Variants in TCERG1L observed in about 807,000 individuals in gnomAD.
The protein encoded by TCERG1L is transcription elongation regulator 1-like protein.
Under a neutral mutation model 56.3 loss-of-function variants are expected in TCERG1L, and 37 were observed. The observed-to-expected ratio is 0.66, with a 90% CI of 0.51 to 0.87. The LOEUF (loss-of-function observed/expected upper bound fraction) is 0.87. TCERG1L is among the 40% of genes least tolerant of loss of function. TCERG1L has a pLI of 0.00. For synonymous variants in TCERG1L, 324 were observed against 326.3 expected, an observed-to-expected ratio of 0.99 and a Z score of 0.08; for missense variants, 799 against 774.2, an observed-to-expected ratio of 1.03 and a Z score of -0.38.
At chr10:131,176,010 T>C (rs1191984538) in intron 4 of TCERG1L, among the ~76,000 whole-genome samples, 4 of 152,224 alleles carry the variant, frequency 2.6e-5, no homozygotes, top group Non-Finnish European at 4.4e-5. Flanking sequence ...AACGCCCACC[T>C]TTCAAGGCAG....
At chr10:131,214,038 GCA>G (rs895606926) in intron 4 of TCERG1L, among the ~76,000 whole-genome samples, 1 of 84,432 alleles carries the variant, frequency 1.2e-5, no homozygotes, top group Non-Finnish European at 2.7e-5. Context: ...TGTTACATAC[GCA>G]CACACACACG....
chr10:131,293,505 T>C (rs1178577638), intron 3 of TCERG1L, among the ~76,000 whole-genome samples: 1 of 151,856 alleles, frequency 6.6e-6, no homozygotes, highest in African/African-American at 2.4e-5. Context: ...ATGCCAGCCC[T>C]GAGATAACCC....
rs1369350967 is a variant in TCERG1L, at chr10:131,102,708, G to C, written c.1485+1557C>G. ...CATTTCTGAACTCAAAGGGCAAAGA[G>C]AGGGCAAGACGTGACCGCACACATG... On this transcript the variant is annotated intron_variant, in intron 10 of 11. Transcript: ENST00000368642. Among the ~76,000 whole-genome samples the C allele has an allele frequency of 2.6e-5, 4 of 152,152 alleles. No individual in the cohort carries two copies. In the South Asian group the frequency reaches 8.3e-4, roughly 32 times the overall value.
intron 3 of TCERG1L, among the ~76,000 whole-genome samples, chr10:131,277,430 C>T (rs569396447): frequency 5.9e-5 from 9 of 152,208 alleles, no homozygotes; most frequent in Non-Finnish European, 1.3e-4. Flanking sequence ...CGCAGGCCTG[C>T]GCCGGGGAGA....
Position 131,146,677 on chromosome 10 carries a change from A to G in TCERG1L, c.1035-17T>C. 2 of 1,599,956 alleles carry G rather than the reference A, an allele frequency of 1.3e-6. No homozygotes were observed. Among genetic ancestry groups the G allele is most frequent in the Non-Finnish European group, 1.7e-6 (2 of 1,171,702 alleles). ...ACCACACACCTGTTTGAGTGGAAAA[A>G]CTCATCTCAGTCGCTCTCGGAGACA... On this transcript the variant is annotated splice_polypyrimidine_tract_variant and intron_variant, in intron 6 of 11. Coordinates refer to ENST00000368642, the MANE Select transcript of TCERG1L (RefSeq NM_174937.4).
chr10:131,167,850 C>T lies in TCERG1L; in HGVS notation c.857-965G>A, dbSNP rs545247883. ...TCTCCAAAAATGTCTATCTAACTCT[C>T]AAAATTTTGCAAGTAGATTCAGGGA... On this transcript the variant is annotated intron_variant, in intron 4 of 11. Coordinates refer to ENST00000368642, the MANE Select transcript of TCERG1L (RefSeq NM_174937.4). Among the ~76,000 whole-genome samples, 120 of 152,304 alleles carry T rather than the reference C, an allele frequency of 7.9e-4. 1 individual carries two copies. Among genetic ancestry groups the T allele is most frequent in the Non-Finnish European group, 3.8e-4 (26 of 68,024 alleles).
intron 3 of TCERG1L, among the ~76,000 whole-genome samples, chr10:131,286,552 A>C (rs1168652079): frequency 4.6e-5 from 7 of 152,220 alleles, no homozygotes; most frequent in Non-Finnish European, 8.8e-5. Flanking sequence ...ATATCTAACA[A>C]ATATGAATTA....
In TCERG1L at chr10:131,311,601, C is replaced by T. The variant is rs1035621140; in HGVS notation, c.35G>A (p.Arg12Gln). ...QAGARFQRRR[R>Q]QLQQQQPRRR... is the part of the protein sequence containing the mutation. ...CCGGGGCTGCTGCTGCTGCAGCTGC[C>T]GCCGCCGCCGCTGGAACCTGGCGCC... Residue 12 changes from arginine to glutamine, a missense_variant, in exon 1 of 12, where the codon CGG becomes CAG. Coordinates refer to ENST00000368642, the MANE Select transcript of TCERG1L (RefSeq NM_174937.4). This position sits in a 1 kb window ranked among gnomAD's most constrained non-coding sequence, Gnocchi z 4.0. The T allele has an allele frequency of 4.4e-6, 5 of 1,137,546 alleles. No homozygotes were observed. In the South Asian group the frequency reaches 1.7e-4, roughly 38 times the overall value. 70.5% of individuals were successfully genotyped at this position (1,137,546 alleles called of 1,614,324 possible).
intron 4 of TCERG1L, among the ~76,000 whole-genome samples, chr10:131,184,230 C>T (rs529823477): frequency 1.7e-4 from 26 of 152,326 alleles, no homozygotes; most frequent in Non-Finnish European, 2.8e-4. Flanking sequence ...TCTATTCTAG[C>T]GTATCACATT....
At position 131,269,941 on chromosome 10, in the gene TCERG1L, G is replaced by A. The variant is rs969915219; in HGVS notation, c.671-9497C>T. On this transcript the variant is annotated intron_variant, in intron 3 of 11. Coordinates refer to ENST00000368642, the MANE Select transcript of TCERG1L (RefSeq NM_174937.4). ...CCTCGCACCAAACCCGCAACCCACA[G>A]AGAGCCCACGGAGCACGGCAACCCC... Among the ~76,000 whole-genome samples the A allele has an allele frequency of 2.0e-5, 3 of 152,204 alleles. No individual in the cohort carries two copies. In the East Asian group the frequency reaches 5.8e-4, roughly 29 times the overall value.
At chr10:131,225,319 T>C (rs556234827) in intron 4 of TCERG1L, among the ~76,000 whole-genome samples, 1 of 152,276 alleles carries the variant, frequency 6.6e-6, no homozygotes, top group South Asian at 2.1e-4. Context: ...CCACACAGGC[T>C]GGAAAAGCAT....
At chr10:131,122,981 G>C (rs12415526) in intron 8 of TCERG1L, among the ~76,000 whole-genome samples, 40,534 of 152,150 alleles carry the variant, frequency 0.27, 5,828 homozygotes, top group East Asian at 0.5. Context: ...CATTTCCAAG[G>C]GGTCCTCCCA....
intron 3 of TCERG1L, among the ~76,000 whole-genome samples, chr10:131,303,288 GTTAT>G (rs1424827317): frequency 6.6e-6 from 1 of 152,070 alleles, no homozygotes; most frequent in Non-Finnish European, 1.5e-5. Flanking sequence ...TCCAGCATCT[GTTAT>G]TTCCTGACTT....
At chr10:131,235,149 G>A (rs12247133) in intron 4 of TCERG1L, among the ~76,000 whole-genome samples, 2,168 of 152,280 alleles carry the variant, frequency 0.014, 49 homozygotes, top group African/African-American at 0.048. Flanking sequence ...GCCCAAGGTC[G>A]ATTAAAATTC....
rs1387664156 is a variant in TCERG1L, at chr10:131,267,024, C to G, written c.671-6580G>C. 6.6e-6 allele frequency among the ~76,000 whole-genome samples: 1 copy of G among 152,082 alleles called. No individual in the cohort carries two copies. The highest frequency in any genetic ancestry group is 6.5e-5 in the Admixed American group (1 of 15,278). On this transcript the variant is annotated intron_variant, in intron 3 of 11. Coordinates refer to ENST00000368642, the MANE Select transcript of TCERG1L (RefSeq NM_174937.4). The surrounding 1 kb of genome is among the most constrained non-coding windows in gnomAD (Gnocchi z 4.9). ...AGAGGACTGGCAACCGGCCCCCAGC[C>G]TTCAGGTCCTCCCTGGCCTGAAGGT...
chr10:131,138,200 G>A (rs1845696401), intron 7 of TCERG1L, among the ~76,000 whole-genome samples: 1 of 152,126 alleles, frequency 6.6e-6, no homozygotes, highest in African/African-American at 2.4e-5. Flanking sequence ...ACCCGGGAGA[G>A]TTCAATTTTT....
chr10:131,170,435 C>T (rs1442977921), intron 4 of TCERG1L, among the ~76,000 whole-genome samples: 2 of 152,106 alleles, frequency 1.3e-5, no homozygotes, highest in Middle Eastern at 3.4e-3. Flanking sequence ...AATGTATTTC[C>T]GCCCTCCGAG....
chr10:131,139,917 G>T (rs1202717501), intron 7 of TCERG1L, among the ~76,000 whole-genome samples: 1 of 152,134 alleles, frequency 6.6e-6, no homozygotes, highest in Non-Finnish European at 1.5e-5. Flanking sequence ...ACTGAGTTCA[G>T]GGAATGTGGC....
chr10:131,207,995 C>A (rs1483288329), intron 4 of TCERG1L, among the ~76,000 whole-genome samples: 1 of 152,156 alleles, frequency 6.6e-6, no homozygotes, highest in Non-Finnish European at 1.5e-5. Context: ...AACTCCACTT[C>A]CACAATGAGC....
Sources: gnomAD v4.1 joint callset for allele counts (sites outside exome capture counted in the v4.1 genomes callset) on GRCh38, gnomAD v4.1.1 for gene constraint, Gnocchi (gnomAD v3.1) non-coding constraint, MANE v1.5 for transcripts, NCBI Gene and HGNC (gene_info 2026-07-23, HGNC 2026-07-21) for gene names.